Variants in COL6A2 observed in about 807,000 individuals in gnomAD.
COL6A2 encodes collagen alpha-2(VI) chain.
A neutral mutation model predicts 124.9 loss-of-function variants in COL6A2; 90 were observed. The observed-to-expected ratio is 0.72, with a 90% CI of 0.61 to 0.86. The LOEUF is 0.86. COL6A2 is among the 40% of genes least tolerant of loss of function. The probability of loss-of-function intolerance (pLI) is 0.00; values close to 1 mark genes in which losing one functional copy is unlikely to be tolerated. For missense variants in COL6A2, 1,607 were observed against 1,502.5 expected (o/e 1.07, Z -1.15); for synonymous variants, 793 against 618.2 (o/e 1.28, Z -4.19).
intron 1 of COL6A2, among the ~76,000 whole-genome samples, chr21:46,104,763 A>G (rs1252783396): frequency 1.3e-5 from 2 of 152,244 alleles, no homozygotes; most frequent in Non-Finnish European, 2.9e-5. Flanking sequence ...CCCAAAGACA[A>G]AGATTTTGAA....
intron 21 of COL6A2, among the ~76,000 whole-genome samples, chr21:46,123,797 T>G (rs187092569): frequency 1.4e-3 from 198 of 143,404 alleles, no homozygotes; most frequent in Non-Finnish European, 1.3e-3. Flanking sequence ...TATGTATGGA[T>G]GGGTTAGTGG....
chr21:46,119,910 C>G, intron 15 of COL6A2, 60 bp downstream of exon 15: 1 of 1,441,436 alleles, frequency 6.9e-7, no homozygotes. Flanking sequence ...GCCCTGCTGA[C>G]GAGGGCCCCA....
intron 26 of COL6A2, 126 bp from the exon 27 acceptor site, chr21:46,126,377 C>T (rs1052495124): frequency 3.9e-6 from 6 of 1,520,228 alleles, no homozygotes; most frequent in East Asian, 4.5e-5. Context: ...AGGGGTCGGG[C>T]CCTCTCGGGG....
Position 46,126,682 on chromosome 21 carries a change from A to C in COL6A2, c.2461+141A>C, listed in dbSNP as rs1044054850. 7.9e-6 allele frequency: 8 copies of C among 1,008,492 alleles called. No individual in the cohort carries two copies. In the African/African-American group the frequency reaches 1.3e-4, roughly 16 times the overall value. 62.5% of individuals were successfully genotyped at this position (1,008,492 alleles called of 1,614,324 possible). On this transcript the variant is annotated intron_variant, in intron 27 of 27. Coordinates refer to ENST00000300527, the MANE Select transcript of COL6A2 (RefSeq NM_001849.4). ...CCACTGCGGAGGCTGCTCCTTAGGG[A>C]GATGGCCCCAGGATGGCAGCACAGG... is the stretch of plus-strand genomic sequence containing the variant.
rs1248847669 is a variant in COL6A2 at position 46,132,051 on chromosome 21, G to A, written c.2559G>A (p.Arg853=). 2 of 1,607,358 alleles carry A rather than the reference G, an allele frequency of 1.2e-6. No homozygotes were observed. The highest frequency in any genetic ancestry group is 2.2e-5 in the East Asian group (1 of 44,750). The change falls in exon 28 of 28, where the codon CGG becomes CGA. Residue 853 remains arginine, a synonymous_variant. Transcript: ENST00000300527. ...RLGEQNFHKA[R]RFVEQVARRL... is the part of the protein sequence containing the mutation. ...GTGAGCAGAACTTCCACAAGGCCCG[G>A]CGCTTCGTGGAGCAGGTGGCGCGGC...
At chr21:46,118,023 A>G (rs2078503257) in intron 12 of COL6A2, 87 bp downstream of exon 12, 11 of 1,292,906 alleles carry the variant, frequency 8.5e-6, no homozygotes, top group African/African-American at 1.5e-5. Flanking sequence ...GAAGCTGAGC[A>G]GAGAGGGCCT....
At position 46,114,062 on chromosome 21, in the gene COL6A2, C is replaced by A; in HGVS notation, c.790C>A (p.Arg264Ser). ...IPGPSGPKGY[R>S]GQKGAKGNMG... ...TGGGCCCTCTGGCCCCAAGGGCTAC[C>A]GTGGACAGAAGGTAAGATGCCCAGA... The change falls in exon 5 of 28, where the codon CGT (arginine) becomes AGT (serine). Residue 264 changes from arginine to serine, a missense_variant. Arg to Ser is a moderately radical substitution (Grantham distance 110, BLOSUM62 -1). Around this residue, in one of 3 missense-constraint regions of COL6A2, gnomAD observed 342 missense variants for 381.5 expected, o/e 0.90. Coordinates refer to ENST00000300527, the MANE Select transcript of COL6A2 (RefSeq NM_001849.4). The A allele has an allele frequency of 6.2e-7, 1 of 1,613,472 alleles. No homozygotes were observed. The highest frequency in any genetic ancestry group is 1.1e-5 in the South Asian group (1 of 91,088).
At chr21:46,114,151 G>T in intron 5 of COL6A2, 78 bp downstream of exon 5, 1 of 1,269,278 alleles carries the variant, frequency 7.9e-7, no homozygotes, top group African/African-American at 1.5e-5. Flanking sequence ...ACTTGGCCGG[G>T]CGTGGTGGCT....
chr21:46,105,439 A>G (rs2078326564), intron 1 of COL6A2, among the ~76,000 whole-genome samples: 1 of 152,240 alleles, frequency 6.6e-6, no homozygotes, highest in African/African-American at 2.4e-5. Context: ...AGACAATTAT[A>G]AAAGCTAATA....
In COL6A2 at chr21:46,103,062, C is replaced by T. The variant is rs371946007; in HGVS notation, c.-28+4889C>T. On this transcript the variant is annotated intron_variant, in intron 1 of 27. Transcript: ENST00000300527. ...GCCATCAGGTCCAGAGGTTGTTTGTCAGGAGATTTTTGAGTATTGATTCAA... is the reference window on the plus strand; with the variant it reads ...GCCATCAGGTCCAGAGGTTGTTTGTTAGGAGATTTTTGAGTATTGATTCAA... Among the ~76,000 whole-genome samples, 16 of 152,248 alleles carry T rather than the reference C, an allele frequency of 1.1e-4. No individual in the cohort carries two copies. The South Asian group carries it at 1.2e-3, about 12-fold the overall frequency.
In COL6A2 at chr21:46,132,500, A is replaced by ACAGCCTGGCG. The variant is rs2078776045; in HGVS notation, c.3011_3020dup (p.Phe1010AlafsTer26). 1 of 1,607,786 alleles carries ACAGCCTGGCG rather than the reference A, an allele frequency of 6.2e-7. No homozygotes were observed. The highest frequency in any genetic ancestry group is 8.5e-7 in the Non-Finnish European group (1 of 1,179,372). ...GCCGTGTTCCACGAGAAGGACTATGACAGCCTGGCGCAACCCGGCTTCTTC... is the reference window on the plus strand; with the variant it reads ...GCCGTGTTCCACGAGAAGGACTATGACAGCCTGGCGCAGCCTGGCGCAACCCGGCTTCTTC... On this transcript the variant is annotated frameshift_variant, in exon 28 of 28. Transcript: ENST00000300527. LOFTEE classifies it high-confidence loss of function.
chr21:46,119,955 G>A (rs1171846490), intron 15 of COL6A2, 105 bp downstream of exon 15: 24 of 999,538 alleles, frequency 2.4e-5, no homozygotes, highest in African/African-American at 1.1e-4. Flanking sequence ...AGAACCCCAG[G>A]GCCTCACTCT....
chr21:46,129,303 G>A (rs781159323), intron 27 of COL6A2: 101 of 1,612,816 alleles, frequency 6.3e-5, no homozygotes, highest in South Asian at 9.9e-5. Context: ...GTTGCTAAAC[G>A]CCACGGAGCT....
In COL6A2 at chr21:46,098,191, C is replaced by G; in HGVS notation, c.-28+18C>G. The G allele has an allele frequency of 6.6e-6, 1 of 152,148 alleles. No individual in the cohort carries two copies. The highest frequency in any genetic ancestry group is 1.9e-4 in the East Asian group (1 of 5,170). 9.4% of individuals were successfully genotyped at this position (152,148 alleles called of 1,614,324 possible). ...GGGACCAGGTGAGCGCCTCCCGGAC[C>G]CCGCACCCTGGAAGCCGCTCGGCCC... On this transcript the variant is annotated intron_variant, in intron 1 of 27. Transcript: ENST00000300527.
At chr21:46,127,650 C>T (rs1013413887) in intron 27 of COL6A2, among the ~76,000 whole-genome samples, 2 of 152,168 alleles carry the variant, frequency 1.3e-5, no homozygotes, top group African/African-American at 4.8e-5. Flanking sequence ...CCCCTCGTTC[C>T]TGATGGGGCA....
At chr21:46,119,705 C>T (rs893213110) in intron 14 of COL6A2, 83 bp from the exon 15 acceptor site, 20 of 1,272,950 alleles carry the variant, frequency 1.6e-5, no homozygotes, top group Middle Eastern at 2.6e-4. Flanking sequence ...GAAGGAGCAT[C>T]GGCCCCGGCA....
intron 1 of COL6A2, among the ~76,000 whole-genome samples, chr21:46,102,285 G>A (rs1002046945): frequency 2.0e-5 from 3 of 152,050 alleles, no homozygotes; most frequent in Non-Finnish European, 4.4e-5. Flanking sequence ...AGTTGTAACA[G>A]TTTTTGTGGA....
rs141101231 is a variant in COL6A2, at chr21:46,127,780, C to T, written c.2461+1239C>T. Among the ~76,000 whole-genome samples, 598 of 152,296 alleles carry T rather than the reference C, an allele frequency of 3.9e-3. 4 individuals carry two copies. The highest frequency in any genetic ancestry group is 0.014 in the African/African-American group (583 of 41,554). On this transcript the variant is annotated intron_variant, in intron 27 of 27. Coordinates refer to ENST00000300527, the MANE Select transcript of COL6A2 (RefSeq NM_001849.4). ...AGTGTGAGTGGCCGCTATGGCTTCC[C>T]CTCCACTCCAGGTTCTATCGTGAGT...
rs983408648 is a variant in COL6A2, at chr21:46,107,395, G to A, written c.-27-4055G>A. Among the ~76,000 whole-genome samples the A allele has an allele frequency of 3.3e-5, 5 of 151,954 alleles. No homozygotes were observed. The South Asian group carries it at 1.0e-3, about 32-fold the overall frequency. On this transcript the variant is annotated intron_variant, in intron 1 of 27. Transcript: ENST00000300527. The stretch of plus-strand genomic sequence containing the variant: ...ATCTGACTCTGGCATGACACTACAC[G>A]ACCAAGAAGAAAATAAAAATATTTT...
Sources: allele counts gnomAD v4.1 joint callset (sites outside exome capture counted in the v4.1 genomes callset), GRCh38; gene constraint gnomAD v4.1.1; regional missense constraint gnomAD v4.1.1; transcripts MANE v1.5; gene names NCBI Gene and HGNC (gene_info 2026-07-23, HGNC 2026-07-21).